CCDC178: variants seen among roughly 807,000 people sequenced by gnomAD.
CCDC178 encodes the protein coiled-coil domain containing 178, also known as coiled-coil domain-containing protein 178.
Under a neutral mutation model 117.4 loss-of-function variants are expected in CCDC178, and 126 were observed. The ratio of observed to expected loss-of-function variants is 1.07; its 90% CI spans 0.93 to 1.24. The LOEUF (loss-of-function observed/expected upper bound fraction) is 1.24, where lower values mean the gene tolerates loss of function less well. Ranked by LOEUF, CCDC178 falls within the 50% of genes most tolerant of loss-of-function variation. The pLI is 0.00. For synonymous variants in CCDC178, 283 were observed against 313.4 expected (o/e 0.90, Z 1.02); for missense variants, 1,030 against 986.9 (o/e 1.04, Z -0.59).
intron 20 of CCDC178, among the ~76,000 whole-genome samples, chr18:33,166,187 C>T (rs961151424): frequency 6.6e-6 from 1 of 152,132 alleles, no homozygotes; most frequent in Non-Finnish European, 1.5e-5. Flanking sequence ...TATGGATCCC[C>T]AAGGGCTTAT....
chr18:33,025,046 C>A (rs867272192), intron 21 of CCDC178, among the ~76,000 whole-genome samples: 1 of 152,064 alleles, frequency 6.6e-6, no homozygotes. Flanking sequence ...TACATCCTTA[C>A]GAATACAGAT....
intron 15 of CCDC178, among the ~76,000 whole-genome samples, chr18:33,229,222 T>C (rs561003305): frequency 1.3e-5 from 2 of 152,106 alleles, no homozygotes; most frequent in Non-Finnish European, 2.9e-5. Flanking sequence ...CCATGAGCAA[T>C]AATGGACCAT....
At chr18:33,177,728 A>T (rs2058679706) in intron 20 of CCDC178, among the ~76,000 whole-genome samples, 1 of 152,206 alleles carries the variant, frequency 6.6e-6, no homozygotes, top group African/African-American at 2.4e-5. Flanking sequence ...AGCACATTGA[A>T]ATATGGCTTC....
intron 3 of CCDC178, among the ~76,000 whole-genome samples, chr18:33,401,100 A>T (rs1340007528): frequency 1.3e-5 from 2 of 152,202 alleles, no homozygotes; most frequent in Admixed American, 6.5e-5. Context: ...GTTAGCTGTC[A>T]TATGTGTGTA....
chr18:33,404,619 C>A (rs764421153), intron 3 of CCDC178, among the ~76,000 whole-genome samples: 1 of 152,032 alleles, frequency 6.6e-6, no homozygotes, highest in Admixed American at 6.6e-5. Flanking sequence ...ATACACCCAA[C>A]AGGAATGAAA....
intron 20 of CCDC178, among the ~76,000 whole-genome samples, chr18:33,141,704 G>A (rs147226087): frequency 1.8e-4 from 27 of 152,262 alleles, no homozygotes; most frequent in African/African-American, 6.0e-4. Flanking sequence ...TAGACTCTAT[G>A]GGTCAACTCC....
In CCDC178 at chr18:32,998,427, C is replaced by A. The variant is rs568727562; in HGVS notation, c.2389-23746G>T. Among the ~76,000 whole-genome samples, 5 of 152,146 alleles carry A rather than the reference C, an allele frequency of 3.3e-5. No homozygotes were observed. In the East Asian group the frequency reaches 9.7e-4, roughly 29 times the overall value. On this transcript the variant is annotated intron_variant, in intron 21 of 22. Transcript: ENST00000383096. Reference sequence around the variant, plus strand: ...CATGAGGACTGTAATTCTTGAGCAACTCCTGGTGCTGTGCTCGGCTCAGAG... The same window carrying A: ...CATGAGGACTGTAATTCTTGAGCAAATCCTGGTGCTGTGCTCGGCTCAGAG...
At chr18:32,985,537 C>T (rs1410449140) in intron 21 of CCDC178, among the ~76,000 whole-genome samples, 1 of 151,902 alleles carries the variant, frequency 6.6e-6, no homozygotes, top group Non-Finnish European at 1.5e-5. Flanking sequence ...AATTTATAAA[C>T]TCATTTGCTG....
At chr18:32,998,374 C>T (rs2055562728) in intron 21 of CCDC178, among the ~76,000 whole-genome samples, 1 of 152,004 alleles carries the variant, frequency 6.6e-6, no homozygotes, top group African/African-American at 2.4e-5. Flanking sequence ...CTATGGGATC[C>T]TAAATAAACT....
At chr18:33,308,687 G>T (rs1028105497) in intron 11 of CCDC178, among the ~76,000 whole-genome samples, 6 of 152,120 alleles carry the variant, frequency 3.9e-5, no homozygotes, top group Non-Finnish European at 7.4e-5. Context: ...GCTGTGAGAG[G>T]GACCCAGTGG....
At chr18:33,225,345 A>T (rs1271576248) in intron 16 of CCDC178, among the ~76,000 whole-genome samples, 1 of 152,052 alleles carries the variant, frequency 6.6e-6, no homozygotes, top group East Asian at 1.9e-4. Flanking sequence ...TTTTTAATAG[A>T]TAAGGGGTTT....
At chr18:32,996,276 G>A (rs2055506442) in intron 21 of CCDC178, among the ~76,000 whole-genome samples, 1 of 151,782 alleles carries the variant, frequency 6.6e-6, no homozygotes, top group African/African-American at 2.4e-5. Context: ...TATGTATAAA[G>A]TCCCCAGTGT....
chr18:33,403,097 C>G (rs560734699), intron 3 of CCDC178, among the ~76,000 whole-genome samples: 69 of 152,226 alleles, frequency 4.5e-4, no homozygotes, highest in African/African-American at 1.6e-3. Context: ...AGAAAAGACC[C>G]ATGAAAGCCC....
At chr18:33,064,831 CA>C (rs1287008149) in intron 21 of CCDC178, among the ~76,000 whole-genome samples, 1 of 150,742 alleles carries the variant, frequency 6.6e-6, no homozygotes, top group Non-Finnish European at 1.5e-5. Flanking sequence ...CAACAACGAA[CA>C]ATAAAAGAAA....
chr18:33,365,113 A>T (rs1211588891), intron 6 of CCDC178, among the ~76,000 whole-genome samples: 1 of 152,092 alleles, frequency 6.6e-6, no homozygotes, highest in Non-Finnish European at 1.5e-5. Flanking sequence ...GGAAAATAGG[A>T]ACCACAGAAT....
rs200500512 is a variant in CCDC178 at position 33,245,407 on chromosome 18, G to A, written c.1431C>T (p.Tyr477=). 53 of 1,560,902 alleles carry A rather than the reference G, an allele frequency of 3.4e-5. No individual in the cohort carries two copies. Among genetic ancestry groups the A allele is most frequent in the African/African-American group, 1.1e-4 (8 of 72,542 alleles). ...TNESIRKKSK[Y]ESEIKYLTIM... ...TTGTCAAATATTTTATTTCAGATTC[G>A]TATTTTGATTTTTTCCGTATGCTGT... The change falls in exon 15 of 23, where the codon TAC becomes TAT. Residue 477 remains tyrosine, a synonymous_variant. Transcript: ENST00000383096.
intron 11 of CCDC178, among the ~76,000 whole-genome samples, chr18:33,303,892 G>GA (rs2144919232): frequency 6.6e-6 from 1 of 152,208 alleles, no homozygotes; most frequent in Non-Finnish European, 1.5e-5. Flanking sequence ...CAGAGTAAAT[G>GA]AGAGAGGGAG....
chr18:33,347,643 A>G (rs2048742437), intron 8 of CCDC178, among the ~76,000 whole-genome samples: 1 of 152,148 alleles, frequency 6.6e-6, no homozygotes, highest in South Asian at 2.1e-4. Flanking sequence ...TTTGTGATTC[A>G]TATCAATTAC....
intron 20 of CCDC178, among the ~76,000 whole-genome samples, chr18:33,126,456 T>C (rs2058005261): frequency 6.7e-6 from 1 of 149,786 alleles, no homozygotes; most frequent in African/African-American, 2.4e-5. Context: ...AATATATGTA[T>C]ATATATACTA....
Sources: allele counts gnomAD v4.1 joint callset (sites outside exome capture counted in the v4.1 genomes callset), GRCh38; gene constraint gnomAD v4.1.1; transcripts MANE v1.5; gene names NCBI Gene and HGNC (gene_info 2026-07-23, HGNC 2026-07-21).